Variants in GTF3C2 observed in about 807,000 individuals in gnomAD.
GTF3C2 encodes the protein general transcription factor 3C polypeptide 2.
GTF3C2 carries 17 observed loss-of-function variants against 117.4 expected under a neutral mutation model. The observed-to-expected ratio is 0.14, with a 90% CI of 0.10 to 0.22. The LOEUF (loss-of-function observed/expected upper bound fraction) is 0.22, where lower values mean the gene tolerates loss of function less well. Among genes scored for constraint, GTF3C2 ranks in the 10% least tolerant of loss-of-function variants. The pLI, the probability that GTF3C2 is intolerant of heterozygous loss-of-function variation, is 1.00. For synonymous variants in GTF3C2, 437 were observed against 427.0 expected (o/e 1.02, Z -0.29); for missense variants, 888 against 1,143.6 (o/e 0.78, Z 3.22).
chr2:27,329,174 G>A lies in GTF3C2; in HGVS notation c.1986C>T (p.Ala662=), dbSNP rs1680194466. The change falls in exon 14 of 19, where the codon GCC becomes GCT. Residue 662 remains alanine (A), a synonymous_variant. Coordinates refer to ENST00000264720, the Ensembl canonical transcript of GTF3C2. The surrounding 1 kb of genome is among the most constrained non-coding windows in gnomAD (Gnocchi z 4.5). ...TGACACCATTGTAGGGAAGCAGCCA[G>A]GCCAGTTCTGTACTCAAGAAGCGCT... 2 of 1,614,142 alleles carry A rather than the reference G, an allele frequency of 1.2e-6. No homozygotes were observed. Among genetic ancestry groups the A allele is most frequent in the African/African-American group, 1.3e-5 (1 of 75,036 alleles).
chr2:27,343,306 A>G lies in GTF3C2; in HGVS notation c.247+2T>C, dbSNP rs1168931282. On this transcript the variant is annotated splice_donor_variant, in intron 2 of 18. Transcript: ENST00000264720. LOFTEE classifies it high-confidence loss of function. ...AAAAAGATAAGAGGACAAGGTACAT[A>G]CCTGGCTGTTCCAGTCTGGAGAGGC... is the stretch of plus-strand genomic sequence containing the variant. 1.2e-6 allele frequency: 2 copies of G among 1,613,460 alleles called. No homozygotes were observed. The highest frequency in any genetic ancestry group is 1.3e-5 in the African/African-American group (1 of 74,894).
exon 19 of GTF3C2, chr2:27,326,483 C>T: frequency 3.3e-6 from 2 of 605,364 alleles, no homozygotes; most frequent in Non-Finnish European, 6.0e-6. Flanking sequence ...GAGAGCCCCC[C>T]TGCCCGCAGG....
exon 9 of GTF3C2, chr2:27,336,010 G>T: frequency 6.2e-7 from 1 of 1,612,746 alleles, no homozygotes; most frequent in Non-Finnish European, 8.5e-7. Context: ...CATAGACAAA[G>T]TGGGCCCTGT....
At chr2:27,343,172 G>A (rs1680797041) in intron 2 of GTF3C2, 25 bp from the exon 3 acceptor site, 1 of 1,531,922 alleles carries the variant, frequency 6.5e-7, no homozygotes, top group Admixed American at 2.0e-5. Flanking sequence ...ATGGGTCTGT[G>A]AGATGGGACC....
chr2:27,353,337 T>G (rs925855160), intron 1 of GTF3C2, among the ~76,000 whole-genome samples: 2 of 149,512 alleles, frequency 1.3e-5, no homozygotes, highest in African/African-American at 4.9e-5. Flanking sequence ...GAGCCAAGAT[T>G]GCACCACTGC....
chr2:27,343,320 G>C (rs1680802289), exon 2 of GTF3C2: 2 of 1,613,972 alleles, frequency 1.2e-6, no homozygotes, highest in Non-Finnish European at 1.7e-6. Context: ...GGCTGTTCCA[G>C]TCTGGAGAGG....
At chr2:27,356,149 TC>T in intron 1 of GTF3C2, 1 of 1,264,540 alleles carries the variant, frequency 7.9e-7, no homozygotes, top group Non-Finnish European at 1.0e-6. Context: ...ACCTCTGACT[TC>T]CCCAACAGGC....
exon 9 of GTF3C2, chr2:27,335,929 G>C: frequency 6.2e-7 from 1 of 1,603,688 alleles, no homozygotes; most frequent in Non-Finnish European, 8.5e-7. Flanking sequence ...TCCGAGGGGT[G>C]CCTGGAAGTT....
intron 9 of GTF3C2, 67 bp downstream of exon 9, chr2:27,335,850 G>A: frequency 8.4e-7 from 1 of 1,195,220 alleles, no homozygotes; most frequent in Non-Finnish European, 1.2e-6. Context: ...TCAACTCTAA[G>A]AATTCCCAGG....
chr2:27,338,356 T>C, intron 4 of GTF3C2: 1 of 289,148 alleles, frequency 3.5e-6, no homozygotes, highest in Non-Finnish European at 6.7e-6. Flanking sequence ...CTCTTAATAT[T>C]CCTTCACAGG....
chr2:27,333,240 A>C (rs988908629), intron 12 of GTF3C2, among the ~76,000 whole-genome samples: 4 of 149,920 alleles, frequency 2.7e-5, no homozygotes, highest in Non-Finnish European at 5.9e-5. Context: ...GGCTCACTGA[A>C]ACCTATGCTT....
At position 27,329,369 on chromosome 2, in the gene GTF3C2, T is replaced by C; in HGVS notation, c.1877+10A>G. Reference sequence around the variant, plus strand: ...TCACCTTCCCCCTCCACATACCTCCTATTCCATACCTGTTAGCTTTGCACC... The same window carrying C: ...TCACCTTCCCCCTCCACATACCTCCCATTCCATACCTGTTAGCTTTGCACC... On this transcript the variant is annotated intron_variant, in intron 13 of 18. Coordinates refer to ENST00000264720, the Ensembl canonical transcript of GTF3C2. The surrounding 1 kb of genome is among the most constrained non-coding windows in gnomAD (Gnocchi z 4.5). 6.2e-7 allele frequency: 1 copy of C among 1,614,094 alleles called. No homozygotes were observed. Among genetic ancestry groups the C allele is most frequent in the East Asian group, 2.2e-5 (1 of 44,888 alleles).
chr2:27,342,979 A>G (rs1378077741), exon 3 of GTF3C2: 1 of 1,614,202 alleles, frequency 6.2e-7, no homozygotes, highest in East Asian at 2.2e-5. Context: ...TTTCTTAGGC[A>G]TGGGGGTGGA....
At position 27,356,231 on chromosome 2, in the gene GTF3C2, T is replaced by C. The variant is rs966061511; in HGVS notation, c.-25+508A>G. On this transcript the variant is annotated intron_variant, in intron 1 of 18. Transcript: ENST00000264720. Reference sequence around the variant, plus strand: ...TGGCCCTTGGTTACGCCAATGGCGTTGCAGCGCGCGGGGCACAACCCTCGG... The same window carrying C: ...TGGCCCTTGGTTACGCCAATGGCGTCGCAGCGCGCGGGGCACAACCCTCGG... 5 of 550,092 alleles carry C rather than the reference T, an allele frequency of 9.1e-6. No individual in the cohort carries two copies. The Admixed American group carries it at 1.2e-4, about 13-fold the overall frequency. The allele number at this position is 550,092 out of a possible 1,614,324, so 34.1% of individuals were successfully genotyped here. A position where few individuals can be genotyped will look rare whatever the true frequency, so the allele number is the denominator to read the frequency against.
rs1441714382 is a variant in GTF3C2 at position 27,329,045 on chromosome 2, C to G, written c.2039+76G>C. 1 of 1,539,012 alleles carries G rather than the reference C, an allele frequency of 6.5e-7. No homozygotes were observed. The highest frequency in any genetic ancestry group is 9.0e-7 in the Non-Finnish European group (1 of 1,112,834). ...GAACCAACTCTCTACCCTCCTCTCCCCACAACAATCTGGCATGCTTTGCAT... is the reference window on the plus strand; with the variant it reads ...GAACCAACTCTCTACCCTCCTCTCCGCACAACAATCTGGCATGCTTTGCAT... On this transcript the variant is annotated intron_variant, in intron 14 of 18. Transcript: ENST00000264720. The surrounding 1 kb of genome is among the most constrained non-coding windows in gnomAD (Gnocchi z 4.5).
At chr2:27,354,724 G>A (rs1459911065) in intron 1 of GTF3C2, among the ~76,000 whole-genome samples, 2 of 151,746 alleles carry the variant, frequency 1.3e-5, no homozygotes, top group Non-Finnish European at 2.9e-5. Context: ...TCACGCCACT[G>A]CACTCCAGCC....
intron 1 of GTF3C2, among the ~76,000 whole-genome samples, chr2:27,350,128 C>T (rs1043474530): frequency 5.9e-5 from 9 of 151,798 alleles, no homozygotes; most frequent in Non-Finnish European, 1.2e-4. Flanking sequence ...AATAAATATT[C>T]CCCCCATATT....
chr2:27,328,119 G>A lies in GTF3C2; in HGVS notation c.2327C>T (p.Ser776Phe), dbSNP rs144769462. The A allele has an allele frequency of 1.2e-6, 2 of 1,609,024 alleles. No homozygotes were observed. The highest frequency in any genetic ancestry group is 1.7e-6 in the Non-Finnish European group (2 of 1,176,984). ...AGCCTTAGGAGGGTTGGGGACCCCA[G>A]ATGAAGCAGAAGAATGGTCTGGACC... Residue 776 changes from serine (S) to phenylalanine (F), a missense_variant, in exon 17 of 19, where the codon TCT becomes TTT. This residue lies in a region of GTF3C2 where 129 missense variants were observed against 156.0 expected (regional missense o/e 0.83). Transcript: ENST00000264720.
chr2:27,328,753 T>C (rs957810264), intron 15 of GTF3C2, 91 bp downstream of exon 15: 3 of 1,107,918 alleles, frequency 2.7e-6, no homozygotes, highest in Admixed American at 3.9e-5. Flanking sequence ...ATCTTCTCCT[T>C]CTACCCAAAA....
Sources: allele counts gnomAD v4.1 joint callset (sites outside exome capture counted in the v4.1 genomes callset), GRCh38; gene constraint gnomAD v4.1.1; regional missense constraint gnomAD v4.1.1; non-coding constraint Gnocchi (gnomAD v3.1); transcripts MANE v1.5; gene names NCBI Gene and HGNC (gene_info 2026-07-23, HGNC 2026-07-21).